The following RNF217 variants were observed in gnomAD, a reference collection of about 807,000 sequenced individuals.
RNF217 encodes the protein ring finger protein 217.
RNF217 carries 31 observed loss-of-function variants against 57.8 expected under a neutral mutation model. The ratio of observed to expected loss-of-function variants is 0.54; its 90% CI spans 0.40 to 0.72. The LOEUF (loss-of-function observed/expected upper bound fraction) is 0.72, where lower values mean the gene tolerates loss of function less well. Ranked by LOEUF, RNF217 falls within the 30% of genes least tolerant of loss-of-function variation. RNF217 has a pLI of 0.00. For missense variants in RNF217, 696 were observed against 708.3 expected, an observed-to-expected ratio of 0.98 and a Z score of 0.20; for synonymous variants, 313 against 294.0, an observed-to-expected ratio of 1.06 and a Z score of -0.66.
At chr6:125,010,378 A>G (rs760885553) in intron 1 of RNF217, among the ~76,000 whole-genome samples, 8 of 152,192 alleles carry the variant, frequency 5.3e-5, no homozygotes, top group Non-Finnish European at 7.4e-5. Context: ...CTTTTTAGGT[A>G]TAATGCATGA....
chr6:125,016,927 A>G (rs2114389883), intron 1 of RNF217, among the ~76,000 whole-genome samples: 1 of 152,290 alleles, frequency 6.6e-6, no homozygotes, highest in South Asian at 2.1e-4. Flanking sequence ...AAAGCATAAT[A>G]AAAAAGAAAT....
At chr6:124,970,866 G>A (rs1783735238) in intron 1 of RNF217, among the ~76,000 whole-genome samples, 2 of 152,210 alleles carry the variant, frequency 1.3e-5, no homozygotes, top group Non-Finnish European at 1.5e-5. Context: ...TGTTTTAAAA[G>A]GGATAATCAC....
chr6:125,012,092 T>C (rs1259803249), intron 1 of RNF217, among the ~76,000 whole-genome samples: 3 of 152,118 alleles, frequency 2.0e-5, no homozygotes, highest in Non-Finnish European at 4.4e-5. Context: ...TAGTTTGATA[T>C]GTAGTCTCGC....
At chr6:124,998,171 C>A (rs1784821190) in intron 1 of RNF217, among the ~76,000 whole-genome samples, 2 of 152,162 alleles carry the variant, frequency 1.3e-5, no homozygotes, top group South Asian at 4.1e-4. Flanking sequence ...CACGTAGCCT[C>A]AAATCTTCAT....
At position 125,014,657 on chromosome 6, in the gene RNF217, C is replaced by T. The variant is rs1390809197; in HGVS notation, c.883-30554C>T. On this transcript the variant is annotated intron_variant, in intron 1 of 5. Transcript: ENST00000521654. ...CAAAATCACACACACTAAAACCAAA[C>T]TTTTCTCATGGGTTAGAGTCTTAAC... Among the ~76,000 whole-genome samples the T allele has an allele frequency of 3.3e-5, 5 of 152,144 alleles. No individual in the cohort carries two copies. In the East Asian group the frequency reaches 9.6e-4, roughly 29 times the overall value.
intron 1 of RNF217, among the ~76,000 whole-genome samples, chr6:125,009,754 A>G (rs1785349088): frequency 6.6e-6 from 1 of 152,234 alleles, no homozygotes; most frequent in Non-Finnish European, 1.5e-5. Context: ...GACAAGCTGC[A>G]TTCCATCTCC....
chr6:125,046,279 G>A (rs926974293), intron 2 of RNF217, among the ~76,000 whole-genome samples: 20 of 152,040 alleles, frequency 1.3e-4, no homozygotes, highest in Admixed American at 2.0e-4. Flanking sequence ...TGCAGTTTGC[G>A]CAGAAGTTTG....
intron 2 of RNF217, among the ~76,000 whole-genome samples, chr6:125,046,050 G>GA (rs1787086603): frequency 6.6e-6 from 1 of 152,080 alleles, no homozygotes; most frequent in African/African-American, 2.4e-5. Flanking sequence ...GAGGACACTT[G>GA]AAGGAGGGTT....
At chr6:124,968,934 G>A (rs528219160) in intron 1 of RNF217, among the ~76,000 whole-genome samples, 60 of 152,270 alleles carry the variant, frequency 3.9e-4, no homozygotes, top group Non-Finnish European at 7.4e-4. Context: ...GTACCTGTAT[G>A]ATAAGCACCA....
At chr6:125,035,675 A>C (rs1786583594) in intron 1 of RNF217, among the ~76,000 whole-genome samples, 1 of 152,192 alleles carries the variant, frequency 6.6e-6, no homozygotes, top group African/African-American at 2.4e-5. Context: ...AATCCAGTTT[A>C]TCAAAATGTT....
chr6:125,003,442 T>C (rs1239909689), intron 1 of RNF217, among the ~76,000 whole-genome samples: 1 of 152,198 alleles, frequency 6.6e-6, no homozygotes, highest in Non-Finnish European at 1.5e-5. Context: ...ATACAGTAAC[T>C]ACTACATAAT....
intron 2 of RNF217, among the ~76,000 whole-genome samples, chr6:125,054,759 A>G (rs1425814789): frequency 6.6e-6 from 1 of 152,150 alleles, no homozygotes; most frequent in African/African-American, 2.4e-5. Context: ...GATGCATACA[A>G]ATCACCTTCG....
Position 125,092,225 on chromosome 6 carries a change from A to G in RNF217, c.*9288A>G. 6.6e-6 allele frequency: 1 copy of G among 152,116 alleles called. No individual in the cohort carries two copies. Among genetic ancestry groups the G allele is most frequent in the East Asian group, 1.9e-4 (1 of 5,190 alleles). 9.4% of individuals were successfully genotyped at this position (152,116 alleles called of 1,614,324 possible). On this transcript the variant is annotated 3_prime_UTR_variant, in exon 6 of 6. Coordinates refer to ENST00000521654, the MANE Select transcript of RNF217 (RefSeq NM_001286398.3). ...TGTCAATGTACTGTTCCTTCTCAGT[A>G]AGTACAGTGTCACATGCTGCTGGCG...
chr6:125,071,235 C>T (rs531070894), intron 3 of RNF217, among the ~76,000 whole-genome samples: 19 of 152,192 alleles, frequency 1.2e-4, no homozygotes, highest in African/African-American at 1.4e-4. Context: ...AAGTAACATG[C>T]GTTTGGTAGA....
At chr6:124,973,563 TTATAA>T (rs112150051) in intron 1 of RNF217, among the ~76,000 whole-genome samples, 2,485 of 152,288 alleles carry the variant, frequency 0.016, 66 homozygotes, top group African/African-American at 0.057. Flanking sequence ...TGAAAATAAA[TTATAA>T]TATGTTTGCT....
intron 2 of RNF217, 129 bp from the exon 3 acceptor site, chr6:125,057,813 G>A (rs1787577719): frequency 1.5e-6 from 1 of 659,574 alleles, no homozygotes; most frequent in African/African-American, 1.8e-5. Context: ...CCTGTAGTTT[G>A]AGTCTTATAG....
chr6:124,983,152 A>T (rs1449745070), intron 1 of RNF217, among the ~76,000 whole-genome samples: 2 of 152,248 alleles, frequency 1.3e-5, no homozygotes, highest in Non-Finnish European at 2.9e-5. Context: ...CAGAAGGGTC[A>T]TAAATGCTCA....
intron 1 of RNF217, among the ~76,000 whole-genome samples, chr6:124,995,405 C>T (rs749790130): frequency 2.3e-4 from 35 of 152,280 alleles, no homozygotes; most frequent in Middle Eastern, 6.8e-3. Context: ...AGTTTCATTA[C>T]AAATGTATGC....
intron 1 of RNF217, among the ~76,000 whole-genome samples, chr6:124,977,379 T>G (rs1784006712): frequency 6.6e-6 from 1 of 152,198 alleles, no homozygotes; most frequent in Admixed American, 6.5e-5. Flanking sequence ...AAACAAAGTA[T>G]TAAAATAAAT....
Sources: gnomAD v4.1 joint callset for allele counts (sites outside exome capture counted in the v4.1 genomes callset) on GRCh38, gnomAD v4.1.1 for gene constraint, MANE v1.5 for transcripts, NCBI Gene and HGNC (gene_info 2026-07-23, HGNC 2026-07-21) for gene names.